PTCHD4: variants seen among roughly 807,000 people sequenced by gnomAD.
PTCHD4 encodes patched domain containing 4, also known as patched domain-containing protein 4.
A neutral mutation model predicts 58.1 loss-of-function variants in PTCHD4; 33 were observed. The observed-to-expected ratio is 0.57, with a 90% CI of 0.43 to 0.76. PTCHD4 has a LOEUF of 0.76. Ranked by LOEUF, PTCHD4 falls within the 30% of genes least tolerant of loss-of-function variation. The probability of loss-of-function intolerance (pLI) is 0.00; values close to 1 mark genes in which losing one functional copy is unlikely to be tolerated. For missense variants in PTCHD4, 1,058 were observed against 1,027.1 expected, an observed-to-expected ratio of 1.03 and a Z score of -0.41; for synonymous variants, 478 against 409.6, an observed-to-expected ratio of 1.17 and a Z score of -2.02.
rs144649202 is a variant in PTCHD4 at position 47,871,575 on chromosome 6, T to C, written c.*6728A>G. 4.0e-3 allele frequency among the ~76,000 whole-genome samples: 601 copies of C among 151,780 alleles called. 6 individuals are homozygous for C. The highest frequency in any genetic ancestry group is 0.013 in the African/African-American group (540 of 41,512). On this transcript the variant is annotated 3_prime_UTR_variant, in exon 5 of 5. Coordinates refer to ENST00000339488, the MANE Select transcript of PTCHD4 (RefSeq NM_001384253.1). ...AATGAATATTATGTTAACCAGAATG[T>C]ATAAGTGGGACTGCATATAGGAGTG...
Position 47,878,503 on chromosome 6 carries a change from T to A in PTCHD4, c.2332A>T (p.Thr778Ser). The change falls in exon 5 of 5, where the codon ACC becomes TCC. Residue 778 changes from threonine to serine, a missense_variant. Physicochemically the swap from Thr to Ser is moderately conservative, Grantham distance 58. Transcript: ENST00000339488. ...AGCAAGCATTTGAACAGTGTGAAGGTCAGGTTCGAAGGCACAAATAGAAGG... is the reference window on the plus strand; with the variant it reads ...AGCAAGCATTTGAACAGTGTGAAGGACAGGTTCGAAGGCACAAATAGAAGG... ...VPLLFVPSNL[T>S]FTLFKCLLLT... 6.2e-7 allele frequency: 1 copy of A among 1,613,406 alleles called. No individual in the cohort carries two copies. The highest frequency in any genetic ancestry group is 8.5e-7 in the Non-Finnish European group (1 of 1,179,688).
intron 4 of PTCHD4, among the ~76,000 whole-genome samples, chr6:47,887,559 C>T (rs1396963300): frequency 6.6e-6 from 1 of 152,090 alleles, no homozygotes; most frequent in Non-Finnish European, 1.5e-5. Flanking sequence ...GCATATTATT[C>T]ATTAATTTGG....
rs1448215794 is a variant in PTCHD4 at position 47,873,713 on chromosome 6, G to T, written c.*4590C>A. ...TATTAGCATAAAGGTCCGCACCACA[G>T]TGATGATGTTCAATTTCATATTGAG... is the stretch of plus-strand genomic sequence containing the variant. On this transcript the variant is annotated 3_prime_UTR_variant, in exon 5 of 5. Coordinates refer to ENST00000339488, the MANE Select transcript of PTCHD4 (RefSeq NM_001384253.1). Among the ~76,000 whole-genome samples, 2 of 151,670 alleles carry T rather than the reference G, an allele frequency of 1.3e-5. No individual in the cohort carries two copies. Among genetic ancestry groups the T allele is most frequent in the African/African-American group, 4.8e-5 (2 of 41,360 alleles).
intron 4 of PTCHD4, among the ~76,000 whole-genome samples, chr6:47,971,580 A>C (rs953231329): frequency 2.0e-5 from 3 of 152,190 alleles, no homozygotes; most frequent in African/African-American, 7.2e-5. Flanking sequence ...AATGCCTCCA[A>C]ATTTCAGAAA....
intron 4 of PTCHD4, among the ~76,000 whole-genome samples, chr6:47,940,892 G>A (rs559438706): frequency 6.6e-6 from 1 of 152,226 alleles, no homozygotes; most frequent in Non-Finnish European, 1.5e-5. Context: ...AAAGGGGGTG[G>A]TAAGCCTAAT....
chr6:48,042,281 AT>A (rs1763874932), intron 3 of PTCHD4, among the ~76,000 whole-genome samples: 1 of 151,984 alleles, frequency 6.6e-6, no homozygotes, highest in East Asian at 1.9e-4. Flanking sequence ...ATAGCTTCCT[AT>A]CAGGCAGTGT....
chr6:47,955,813 G>A (rs1021342888), intron 4 of PTCHD4, among the ~76,000 whole-genome samples: 2 of 152,174 alleles, frequency 1.3e-5, no homozygotes, highest in Admixed American at 1.3e-4. Flanking sequence ...CACTGAGAGT[G>A]TGTGCATTTA....
At chr6:48,032,438 G>A (rs938575150) in intron 3 of PTCHD4, among the ~76,000 whole-genome samples, 16 of 151,864 alleles carry the variant, frequency 1.1e-4, no homozygotes, top group Admixed American at 4.6e-4. Context: ...GTGTGTGTGC[G>A]TGTGTATGTG....
intron 4 of PTCHD4, among the ~76,000 whole-genome samples, chr6:47,927,782 A>G (rs1765674117): frequency 6.7e-6 from 1 of 149,958 alleles, no homozygotes; most frequent in Non-Finnish European, 1.5e-5. Flanking sequence ...TTATTTTTTC[A>G]TTATTATTAT....
rs1023686506 is a variant in PTCHD4 at position 48,069,635 on chromosome 6, G to A, written c.-678C>T. ...GCTTCTTTCCTCTGATGGCTGGAGAGGAGGCATTTGCCAATAGCAGTAGCC... is the reference window on the plus strand; with the variant it reads ...GCTTCTTTCCTCTGATGGCTGGAGAAGAGGCATTTGCCAATAGCAGTAGCC... On this transcript the variant is annotated 5_prime_UTR_variant, in exon 2 of 5. Coordinates refer to ENST00000339488, the MANE Select transcript of PTCHD4 (RefSeq NM_001384253.1). Among the ~76,000 whole-genome samples the A allele has an allele frequency of 6.6e-6, 1 of 152,054 alleles. No individual in the cohort carries two copies. The highest frequency in any genetic ancestry group is 6.6e-5 in the Admixed American group (1 of 15,262).
At chr6:47,992,447 G>A (rs944195154) in intron 4 of PTCHD4, among the ~76,000 whole-genome samples, 2 of 152,162 alleles carry the variant, frequency 1.3e-5, no homozygotes, top group Non-Finnish European at 2.9e-5. Flanking sequence ...TTAAGAAAAC[G>A]TGCTCAGGAG....
intron 4 of PTCHD4, among the ~76,000 whole-genome samples, chr6:47,936,654 C>A (rs1766008934): frequency 6.6e-6 from 1 of 152,110 alleles, no homozygotes; most frequent in South Asian, 2.1e-4. Context: ...TTTACTTAGT[C>A]CTTGTTCATT....
At chr6:48,031,099 G>T (rs1335775653) in intron 3 of PTCHD4, among the ~76,000 whole-genome samples, 1 of 152,048 alleles carries the variant, frequency 6.6e-6, no homozygotes, top group Non-Finnish European at 1.5e-5. Context: ...AGGCTAATCT[G>T]TGCACTTTCT....
In PTCHD4 at chr6:48,009,048, G is replaced by T; in HGVS notation, c.484C>A (p.Gln162Lys). 1 of 1,613,862 alleles carries T rather than the reference G, an allele frequency of 6.2e-7. No homozygotes were observed. The highest frequency in any genetic ancestry group is 2.2e-5 in the East Asian group (1 of 44,868). ...ATGGCTCTGGCTGACTTGACCCGCT[G>T]ATCTTTGCTGTTTGGCACTTCCACT... ...GVVEVPNSKD[Q>K]RVKSARAIQI... The change falls in exon 4 of 5, where the codon CAG becomes AAG. Residue 162 changes from glutamine (Q) to lysine (K), a missense_variant. By Grantham distance (53) the Gln-to-Lys change is moderately conservative (BLOSUM62 1). Coordinates refer to ENST00000339488, the MANE Select transcript of PTCHD4 (RefSeq NM_001384253.1).
chr6:47,960,757 A>T (rs761430756), intron 4 of PTCHD4, among the ~76,000 whole-genome samples: 3 of 152,046 alleles, frequency 2.0e-5, no homozygotes, highest in Non-Finnish European at 4.4e-5. Flanking sequence ...ACAAAATAAT[A>T]TGCTTATTTA....
At chr6:47,930,386 A>G (rs1581894630) in intron 4 of PTCHD4, among the ~76,000 whole-genome samples, 1 of 152,214 alleles carries the variant, frequency 6.6e-6, no homozygotes, top group South Asian at 2.1e-4. Flanking sequence ...ATGGATTTTT[A>G]AAATATAAAT....
intron 4 of PTCHD4, among the ~76,000 whole-genome samples, chr6:47,986,722 C>A (rs534538910): frequency 6.6e-6 from 1 of 152,270 alleles, no homozygotes; most frequent in Non-Finnish European, 1.5e-5. Context: ...CAGAGTACTT[C>A]AAATAATATT....
intron 1 of PTCHD4, among the ~76,000 whole-genome samples, chr6:48,087,458 T>A (rs1284656084): frequency 6.6e-6 from 1 of 152,172 alleles, no homozygotes; most frequent in East Asian, 1.9e-4. Context: ...GTAATAATGA[T>A]GCTGTTAATA....
chr6:47,888,185 G>A (rs890997151), intron 4 of PTCHD4, among the ~76,000 whole-genome samples: 4 of 140,952 alleles, frequency 2.8e-5, no homozygotes, highest in South Asian at 2.4e-4. Context: ...GTGAAACCCC[G>A]TCTCTACTAA....
Sources: gnomAD v4.1 joint callset for allele counts (sites outside exome capture counted in the v4.1 genomes callset) on GRCh38, gnomAD v4.1.1 for gene constraint, MANE v1.5 for transcripts, NCBI Gene and HGNC (gene_info 2026-07-23, HGNC 2026-07-21) for gene names.